HERC1: variants seen among roughly 807,000 people sequenced by gnomAD.
HERC1 encodes probable E3 ubiquitin-protein ligase HERC1.
Under a neutral mutation model 554.3 loss-of-function variants are expected in HERC1, and 160 were observed. The observed-to-expected ratio is 0.29, with a 90% CI of 0.25 to 0.33. The LOEUF is 0.33. Ranked by LOEUF, HERC1 falls within the 10% of genes least tolerant of loss-of-function variation. The pLI is 1.00. For missense variants in HERC1, 4,919 were observed against 5,918.5 expected (o/e 0.83, Z 5.54); for synonymous variants, 2,175 against 2,131.7 (o/e 1.02, Z -0.56).
At chr15:63,613,573 G>A (rs951256237) in intron 76 of HERC1, among the ~76,000 whole-genome samples, 1 of 152,120 alleles carries the variant, frequency 6.6e-6, no homozygotes, top group Non-Finnish European at 1.5e-5. Context: ...TGATGGATAT[G>A]TTAATTTGCT....
At chr15:63,737,481 G>GATATATATATATATATAT (rs1162968549) in intron 12 of HERC1, among the ~76,000 whole-genome samples, 1 of 45,188 alleles carries the variant, frequency 2.2e-5, no homozygotes, top group Non-Finnish European at 4.6e-5. Flanking sequence ...CTTTTTTCCA[G>GATATATATATATATATAT]ATATATATAT....
intron 1 of HERC1, among the ~76,000 whole-genome samples, chr15:63,811,218 T>G (rs1481683316): frequency 6.6e-6 from 1 of 152,202 alleles, no homozygotes; most frequent in Non-Finnish European, 1.5e-5. Flanking sequence ...TCCATCGGTG[T>G]GATAAAAGTA....
chr15:63,618,604 T>A (rs1283882907), intron 74 of HERC1, among the ~76,000 whole-genome samples: 2 of 152,172 alleles, frequency 1.3e-5, no homozygotes, highest in Non-Finnish European at 2.9e-5. Flanking sequence ...AGTATGGCCA[T>A]TTTCACGATA....
chr15:63,826,422 T>C (rs569057137), intron 1 of HERC1, among the ~76,000 whole-genome samples: 2 of 152,272 alleles, frequency 1.3e-5, no homozygotes, highest in South Asian at 4.2e-4. Context: ...ACGTACTGTA[T>C]ATACCGTTCA....
intron 25 of HERC1, among the ~76,000 whole-genome samples, chr15:63,704,819 A>G (rs1029079509): frequency 3.7e-4 from 55 of 148,304 alleles, no homozygotes; most frequent in African/African-American, 1.3e-3. Flanking sequence ...GCTCACTGCA[A>G]GCTCCGCTTC....
At chr15:63,623,964 T>A (rs964516007) in intron 72 of HERC1, 74 bp from the exon 73 acceptor site, 48 of 1,499,750 alleles carry the variant, frequency 3.2e-5, no homozygotes, top group Non-Finnish European at 4.2e-5. Flanking sequence ...TATCTTCCCA[T>A]CAGTGAATGA....
At position 63,658,231 on chromosome 15, in the gene HERC1, AT is replaced by A. The variant is rs1475002370; in HGVS notation, c.9599+312del. 3.9e-5 allele frequency among the ~76,000 whole-genome samples: 6 copies of A among 152,278 alleles called. No homozygotes were observed. In the East Asian group the frequency reaches 1.2e-3, roughly 29 times the overall value. On this transcript the variant is annotated intron_variant, in intron 48 of 77. Coordinates refer to ENST00000443617, the MANE Select transcript of HERC1 (RefSeq NM_003922.4). ...GCTGACTTAGCTACACAGACGGTCA[AT>A]ACATTTTGACCTTTAGTTTTTGATC...
intron 2 of HERC1, among the ~76,000 whole-genome samples, 187 bp downstream of exon 2, chr15:63,774,507 C>A (rs914930789): frequency 1.3e-5 from 2 of 152,184 alleles, no homozygotes; most frequent in African/African-American, 4.8e-5. Context: ...GTAGTCTTAA[C>A]ACTGTACCAA....
chr15:63,662,522 A>G (rs2070410429), intron 44 of HERC1, among the ~76,000 whole-genome samples: 1 of 152,208 alleles, frequency 6.6e-6, no homozygotes, highest in Non-Finnish European at 1.5e-5. Context: ...TCCACCATGT[A>G]CCTTGCCCCT....
chr15:63,627,215 A>T (rs995323858), intron 70 of HERC1, among the ~76,000 whole-genome samples: 14 of 152,332 alleles, frequency 9.2e-5, no homozygotes, highest in Admixed American at 7.2e-4. Flanking sequence ...TCTCTTAGAT[A>T]TCTAAGAAAC....
chr15:63,790,909 CTAT>C (rs1350547747), intron 1 of HERC1, among the ~76,000 whole-genome samples: 1 of 151,658 alleles, frequency 6.6e-6, no homozygotes, highest in Non-Finnish European at 1.5e-5. Context: ...AATCCCTATC[CTAT>C]TATTCTTTTA....
chr15:63,797,447 G>A (rs1006370117), intron 1 of HERC1, among the ~76,000 whole-genome samples: 2 of 152,150 alleles, frequency 1.3e-5, no homozygotes, highest in Non-Finnish European at 2.9e-5. Flanking sequence ...GACCCCACCT[G>A]GACTCCTGCC....
Position 63,816,936 on chromosome 15 carries a change from G to A in HERC1, c.-27+16891C>T, listed in dbSNP as rs112090180. On this transcript the variant is annotated intron_variant, in intron 1 of 77. Coordinates refer to ENST00000443617, the MANE Select transcript of HERC1 (RefSeq NM_003922.4). ...CATAAGACCTTACATATCTCCCGAT[G>A]GAAACAAAAATCACTCCTATGAAGT... 4.4e-3 allele frequency among the ~76,000 whole-genome samples: 663 copies of A among 151,972 alleles called. 3 individuals carry two copies. The highest frequency in any genetic ancestry group is 5.0e-3 in the Admixed American group (76 of 15,276).
intron 26 of HERC1, 60 bp downstream of exon 26, chr15:63,698,668 T>A: frequency 1.3e-6 from 2 of 1,505,274 alleles, no homozygotes; most frequent in Non-Finnish European, 1.8e-6. Context: ...GAACTATACA[T>A]TCAATGGTTC....
chr15:63,674,227 CAAA>C (rs942301251), intron 38 of HERC1, 112 bp downstream of exon 38: 5 of 789,514 alleles, frequency 6.3e-6, no homozygotes, highest in African/African-American at 3.9e-5. Context: ...TTGCTTTGAC[CAAA>C]AAAAAAATTT....
rs1209116897 is a variant in HERC1 at position 63,737,504 on chromosome 15, A to T, written c.2521-2655T>A. 2.6e-5 allele frequency among the ~76,000 whole-genome samples: 2 copies of T among 76,066 alleles called. 1 individual carries two copies. Among genetic ancestry groups the T allele is most frequent in the Non-Finnish European group, 5.9e-5 (2 of 34,148 alleles). The allele number at this position is 76,066 out of a possible 152,430, so 49.9% of individuals were successfully genotyped here. ...CAGATATATATATATACATATATAT[A>T]TCTTTTTTCCAGATATATATATATA... On this transcript the variant is annotated intron_variant, in intron 12 of 77. Transcript: ENST00000443617.
At chr15:63,825,507 ATAAG>A (rs756429644) in intron 1 of HERC1, among the ~76,000 whole-genome samples, 46 of 152,214 alleles carry the variant, frequency 3.0e-4, no homozygotes, top group Non-Finnish European at 6.0e-4. Flanking sequence ...TATACAATAA[ATAAG>A]TAAGTAAGCC....
At chr15:63,763,227 C>T (rs546737578) in intron 3 of HERC1, among the ~76,000 whole-genome samples, 50 of 152,128 alleles carry the variant, frequency 3.3e-4, no homozygotes, top group Non-Finnish European at 6.2e-4. Context: ...TAAAAAGAAA[C>T]GATAGAATTA....
chr15:63,794,264 C>G (rs1013585241), intron 1 of HERC1, among the ~76,000 whole-genome samples: 1 of 152,184 alleles, frequency 6.6e-6, no homozygotes, highest in Non-Finnish European at 1.5e-5. Flanking sequence ...TCACTTTACT[C>G]TATAGACTCG....
Sources: allele counts gnomAD v4.1 joint callset (sites outside exome capture counted in the v4.1 genomes callset), GRCh38; gene constraint gnomAD v4.1.1; transcripts MANE v1.5; gene names NCBI Gene and HGNC (gene_info 2026-07-23, HGNC 2026-07-21).